Variants in ANKS1B observed in about 807,000 individuals in gnomAD.
The protein encoded by ANKS1B is ankyrin repeat and sterile alpha motif domain-containing protein 1B.
ANKS1B carries 36 observed loss-of-function variants against 148.3 expected under a neutral mutation model. The ratio of observed to expected loss-of-function variants is 0.24; its 90% CI spans 0.19 to 0.32. The LOEUF is 0.32. ANKS1B is among the 10% of genes least tolerant of loss of function. The probability of loss-of-function intolerance (pLI) is 1.00; values close to 1 mark genes in which losing one functional copy is unlikely to be tolerated. For synonymous variants in ANKS1B, 542 were observed against 560.8 expected, an observed-to-expected ratio of 0.97 and a Z score of 0.47; for missense variants, 1,157 against 1,542.6, an observed-to-expected ratio of 0.75 and a Z score of 4.19.
intron 17 of ANKS1B, among the ~76,000 whole-genome samples, chr12:98,906,143 G>T (rs2099778724): frequency 6.6e-6 from 1 of 152,196 alleles, no homozygotes; most frequent in Admixed American, 6.5e-5. Flanking sequence ...GTTCTAATTT[G>T]CTTTTCTCTC....
At chr12:99,438,898 C>T (rs1344617374) in intron 11 of ANKS1B, among the ~76,000 whole-genome samples, 1 of 150,868 alleles carries the variant, frequency 6.6e-6, no homozygotes, top group African/African-American at 2.4e-5. Flanking sequence ...ATAAAAGGCA[C>T]AAATATTAGA....
chr12:99,903,244 T>C (rs890554594), intron 1 of ANKS1B, among the ~76,000 whole-genome samples: 2 of 152,210 alleles, frequency 1.3e-5, no homozygotes, highest in African/African-American at 4.8e-5. Context: ...AGCTAGGGCA[T>C]TGGACAACTA....
intron 1 of ANKS1B, among the ~76,000 whole-genome samples, chr12:99,935,136 A>G (rs1469781475): frequency 1.3e-5 from 2 of 152,174 alleles, no homozygotes; most frequent in Non-Finnish European, 2.9e-5. Context: ...TATTCAAAGG[A>G]TAGAAAGATC....
At chr12:99,054,402 T>C (rs1348406891) in intron 16 of ANKS1B, among the ~76,000 whole-genome samples, 2 of 152,236 alleles carry the variant, frequency 1.3e-5, no homozygotes, top group East Asian at 1.9e-4. Flanking sequence ...ATCTTAAACA[T>C]GGTAAGCTTT....
intron 1 of ANKS1B, among the ~76,000 whole-genome samples, chr12:99,978,189 C>T (rs971642985): frequency 9.2e-5 from 14 of 152,312 alleles, no homozygotes; most frequent in East Asian, 5.8e-4. Context: ...ATATTATATG[C>T]TTCTGCCTTA....
In ANKS1B at chr12:98,953,537, G is replaced by GTTTTTTTTTTTTTTTTTTTTTTTTTTTTT. The variant is rs1166158783; in HGVS notation, c.2778+99591_2778+99619dup. 1.4e-4 allele frequency among the ~76,000 whole-genome samples: 8 copies of GTTTTTTTTTTTTTTTTTTTTTTTTTTTTT among 57,456 alleles called. 2 individuals are homozygous for GTTTTTTTTTTTTTTTTTTTTTTTTTTTTT. The highest frequency in any genetic ancestry group is 6.4e-4 in the East Asian group (1 of 1,564). The allele number at this position is 57,456 out of a possible 152,430, so 37.7% of individuals were successfully genotyped here. On this transcript the variant is annotated intron_variant, in intron 17 of 26. Coordinates refer to ENST00000683438, the MANE Select transcript of ANKS1B (RefSeq NM_001352186.2). ...CATGTCCATTTGAGAATCTAGAGTG[G>GTTTTTTTTTTTTTTTTTTTTTTTTTTTTT]TTTTTTTTTTTTTTTTTTTTTTTTT...
chr12:98,849,371 A>C lies in ANKS1B; in HGVS notation c.2779-17235T>G, dbSNP rs542953766. Among the ~76,000 whole-genome samples the C allele has an allele frequency of 3.3e-5, 5 of 152,290 alleles. No homozygotes were observed. The East Asian group carries it at 5.8e-4, about 18-fold the overall frequency. ...GAGCAGAGGTAAAAATCCTTGCAGC[A>C]TTCTTAGCTCCTTAGCTGTAGTGTC... On this transcript the variant is annotated intron_variant, in intron 17 of 26. Coordinates refer to ENST00000683438, the MANE Select transcript of ANKS1B (RefSeq NM_001352186.2).
chr12:99,199,328 A>G (rs2099847374), intron 14 of ANKS1B, among the ~76,000 whole-genome samples: 1 of 152,210 alleles, frequency 6.6e-6, no homozygotes, highest in African/African-American at 2.4e-5. Flanking sequence ...AATAAAATAG[A>G]CAAAAGTCAC....
At chr12:99,626,018 T>C (rs563712338) in intron 9 of ANKS1B, among the ~76,000 whole-genome samples, 2 of 152,238 alleles carry the variant, frequency 1.3e-5, no homozygotes, top group African/African-American at 4.8e-5. Context: ...AACTAGGGCA[T>C]CTGTGATCAT....
intron 12 of ANKS1B, among the ~76,000 whole-genome samples, chr12:99,324,917 A>G (rs570492125): frequency 6.6e-6 from 1 of 152,204 alleles, no homozygotes; most frequent in South Asian, 2.1e-4. Context: ...TTGGTCATTC[A>G]CCTTTTGGAG....
intron 17 of ANKS1B, among the ~76,000 whole-genome samples, chr12:99,017,986 A>G (rs1305789248): frequency 6.6e-6 from 1 of 152,166 alleles, no homozygotes; most frequent in East Asian, 1.9e-4. Flanking sequence ...CCCTCTTTGG[A>G]AAAAACAGCC....
intron 14 of ANKS1B, among the ~76,000 whole-genome samples, chr12:99,233,518 T>C (rs569734303): frequency 2.0e-5 from 3 of 152,270 alleles, no homozygotes; most frequent in East Asian, 3.9e-4. Flanking sequence ...TTCTGCACAA[T>C]ATGAGGCATT....
chr12:99,875,054 G>T lies in ANKS1B; in HGVS notation c.135-49665C>A, dbSNP rs1286869067. 3.3e-5 allele frequency among the ~76,000 whole-genome samples: 5 copies of T among 152,116 alleles called. No individual in the cohort carries two copies. The South Asian group carries it at 1.0e-3, about 32-fold the overall frequency. On this transcript the variant is annotated intron_variant, in intron 1 of 26. Transcript: ENST00000683438. ...TGGGGTAAAGAGGTAGACAGAGGGG[G>T]AGAGAGGCAGATGGAAGAATAAAGT...
intron 8 of ANKS1B, among the ~76,000 whole-genome samples, chr12:99,662,063 T>G (rs1046922770): frequency 1.3e-5 from 2 of 152,204 alleles, no homozygotes; most frequent in African/African-American, 4.8e-5. Context: ...TTGGACTGCC[T>G]AGCTCTAAGC....
At chr12:99,848,561 T>C (rs2087113030) in intron 1 of ANKS1B, among the ~76,000 whole-genome samples, 1 of 152,152 alleles carries the variant, frequency 6.6e-6, no homozygotes, top group Admixed American at 6.5e-5. Context: ...AAACAGACCC[T>C]AATCTATATA....
chr12:99,721,836 A>C (rs1297419249), intron 8 of ANKS1B, among the ~76,000 whole-genome samples: 1 of 152,256 alleles, frequency 6.6e-6, no homozygotes, highest in African/African-American at 2.4e-5. Flanking sequence ...AATACATTTC[A>C]AGTTGTGAAT....
chr12:99,948,894 T>C (rs1290605753), intron 1 of ANKS1B, among the ~76,000 whole-genome samples: 1 of 152,190 alleles, frequency 6.6e-6, no homozygotes, highest in East Asian at 1.9e-4. Flanking sequence ...TACTTTCCGA[T>C]CATGGCTTCA....
chr12:98,791,126 C>A (rs182650748), intron 22 of ANKS1B, among the ~76,000 whole-genome samples: 6 of 152,112 alleles, frequency 3.9e-5, no homozygotes, highest in Non-Finnish European at 8.8e-5. Context: ...GTGGGCAGAT[C>A]ACAAGGTCAG....
chr12:98,903,297 A>G (rs1468354539), intron 17 of ANKS1B, among the ~76,000 whole-genome samples: 1 of 152,072 alleles, frequency 6.6e-6, no homozygotes, highest in Non-Finnish European at 1.5e-5. Context: ...ACACTTAGCT[A>G]TGAAATCCTA....
Sources: allele counts gnomAD v4.1 joint callset (sites outside exome capture counted in the v4.1 genomes callset), GRCh38; gene constraint gnomAD v4.1.1; transcripts MANE v1.5; gene names NCBI Gene and HGNC (gene_info 2026-07-23, HGNC 2026-07-21).